The following SORCS2 variants were observed in gnomAD, a reference collection of about 807,000 sequenced individuals.
SORCS2 encodes the protein VPS10 domain-containing receptor SorCS2.
A neutral mutation model predicts 141.6 loss-of-function variants in SORCS2; 100 were observed. The observed-to-expected ratio is 0.71, with a 90% CI of 0.60 to 0.83. The LOEUF is 0.83. Ranked by LOEUF, SORCS2 falls within the 40% of genes least tolerant of loss-of-function variation. The pLI is 0.00. For missense variants in SORCS2, 1,646 were observed against 1,560.2 expected (o/e 1.05, Z -0.93); for synonymous variants, 789 against 676.9 (o/e 1.17, Z -2.57).
rs1043886086 is a variant in SORCS2, at chr4:7,740,099, T to C, written c.3416-101T>C. On this transcript the variant is annotated intron_variant, in intron 26 of 26. Transcript: ENST00000507866. ...GGAAGCCAGGGAGGCCCACTGCACG[T>C]TGGCTCGAGGCACTGCCTGAGGCCA... 21 of 978,014 alleles carry C rather than the reference T, an allele frequency of 2.1e-5. No homozygotes were observed. The African/African-American group carries it at 3.4e-4, about 16-fold the overall frequency. The allele number at this position is 978,014 out of a possible 1,614,324, so 60.6% of individuals were successfully genotyped here. A position where few individuals can be genotyped will look rare whatever the true frequency, so the allele number is the denominator to read the frequency against.
At chr4:7,454,574 G>C (rs1260361293) in intron 2 of SORCS2, among the ~76,000 whole-genome samples, 2 of 126,718 alleles carry the variant, frequency 1.6e-5, no homozygotes, top group African/African-American at 3.1e-5. Flanking sequence ...GTCAGGAGCT[G>C]TGTGTTGGGG....
At position 7,418,498 on chromosome 4, in the gene SORCS2, C is replaced by T. The variant is rs140298614; in HGVS notation, c.548+22143C>T. Among the ~76,000 whole-genome samples the T allele has an allele frequency of 4.3e-3, 647 of 152,216 alleles. 5 individuals are homozygous for T. The highest frequency in any genetic ancestry group is 0.014 in the African/African-American group (578 of 41,508). On this transcript the variant is annotated intron_variant, in intron 2 of 26. Coordinates refer to ENST00000507866, the MANE Select transcript of SORCS2 (RefSeq NM_020777.3). Reference sequence around the variant, plus strand: ...CTGACAATGGATGGGACATTAAGCGCGAGGTGGAGTTGGCAGGGCGCAGGA... The same window carrying T: ...CTGACAATGGATGGGACATTAAGCGTGAGGTGGAGTTGGCAGGGCGCAGGA...
At chr4:7,334,891 G>A (rs1266385317) in intron 1 of SORCS2, among the ~76,000 whole-genome samples, 5 of 152,190 alleles carry the variant, frequency 3.3e-5, no homozygotes, top group Admixed American at 6.5e-5. Context: ...AGAACAGCGA[G>A]TGTCAGTATC....
intron 14 of SORCS2, among the ~76,000 whole-genome samples, chr4:7,707,162 C>G (rs4689830): frequency 1.3e-5 from 2 of 151,528 alleles, no homozygotes; most frequent in African/African-American, 4.9e-5. Context: ...CTCTTCTGCT[C>G]TGCCATCATC....
At chr4:7,460,218 T>G (rs1729208326) in intron 2 of SORCS2, 1 of 154,686 alleles carries the variant, frequency 6.5e-6, no homozygotes, top group South Asian at 2.0e-4. Flanking sequence ...CCAAGGGAAA[T>G]GAGGCAGTGG....
chr4:7,551,304 G>C (rs976980164), intron 3 of SORCS2, among the ~76,000 whole-genome samples: 8 of 152,134 alleles, frequency 5.3e-5, no homozygotes, highest in South Asian at 4.2e-4. Flanking sequence ...TTCCAGTTTG[G>C]TTCATCAGAC....
chr4:7,490,766 C>A (rs757864529), intron 2 of SORCS2, among the ~76,000 whole-genome samples: 65 of 152,160 alleles, frequency 4.3e-4, no homozygotes, highest in Non-Finnish European at 8.4e-4. Context: ...GAGGCCCTCT[C>A]TCCGGCTGGC....
At chr4:7,724,474 ATGGTGG>A (rs1288837332) in intron 19 of SORCS2, among the ~76,000 whole-genome samples, 5 of 26,226 alleles carry the variant, frequency 1.9e-4, no homozygotes, top group African/African-American at 4.5e-4. Context: ...GGTGATGGTG[ATGGTGG>A]TGATGGTGGT....
chr4:7,281,168 A>G (rs1424395469), intron 1 of SORCS2, among the ~76,000 whole-genome samples: 3 of 152,146 alleles, frequency 2.0e-5, no homozygotes, highest in Non-Finnish European at 4.4e-5. Context: ...CATGCTGCAC[A>G]AAAGTTTTTT....
chr4:7,398,685 AT>A (rs377453046), intron 2 of SORCS2, among the ~76,000 whole-genome samples: 2,695 of 152,212 alleles, frequency 0.018, 82 homozygotes, highest in African/African-American at 0.062. Context: ...TCTTTTTATC[AT>A]TTTTAAAATA....
chr4:7,340,598 T>C lies in SORCS2; in HGVS notation c.481-55690T>C, dbSNP rs187831545. Among the ~76,000 whole-genome samples the C allele has an allele frequency of 5.0e-4, 76 of 152,344 alleles. 1 individual carries two copies. In the East Asian group the frequency reaches 0.014, roughly 28 times the overall value. The stretch of plus-strand genomic sequence containing the variant: ...CCTCACTGCGGGGTCTGAAACAGCC[T>C]CTTTCTGAGGAAATGGCTTTGAATA... On this transcript the variant is annotated intron_variant, in intron 1 of 26. Coordinates refer to ENST00000507866, the MANE Select transcript of SORCS2 (RefSeq NM_020777.3).
intron 1 of SORCS2, among the ~76,000 whole-genome samples, chr4:7,367,527 C>T (rs1721975040): frequency 6.6e-6 from 1 of 152,202 alleles, no homozygotes. Context: ...GTTCACACAG[C>T]AACGGCGCCC....
At chr4:7,526,186 G>C (rs115169035) in intron 2 of SORCS2, among the ~76,000 whole-genome samples, 2 of 152,248 alleles carry the variant, frequency 1.3e-5, no homozygotes, top group South Asian at 4.1e-4. Flanking sequence ...TGCTGGGACC[G>C]CATTTTCCAG....
chr4:7,279,172 T>G (rs1715701675), intron 1 of SORCS2, among the ~76,000 whole-genome samples: 1 of 152,180 alleles, frequency 6.6e-6, no homozygotes, highest in Admixed American at 6.5e-5. Flanking sequence ...ACACCCCTCC[T>G]CCCTTTTTTG....
intron 1 of SORCS2, among the ~76,000 whole-genome samples, chr4:7,375,134 T>C (rs1019290332): frequency 1.3e-5 from 2 of 152,142 alleles, no homozygotes; most frequent in Non-Finnish European, 2.9e-5. Context: ...CTTCTGGGAC[T>C]CTCCCCTGCA....
chr4:7,727,321 A>G (rs1243030773), intron 21 of SORCS2, among the ~76,000 whole-genome samples: 2 of 152,136 alleles, frequency 1.3e-5, no homozygotes, highest in African/African-American at 2.4e-5. Context: ...AGAAACGCTG[A>G]GCCTCCTTTT....
At chr4:7,377,300 A>G (rs2109060036) in intron 1 of SORCS2, among the ~76,000 whole-genome samples, 1 of 152,092 alleles carries the variant, frequency 6.6e-6, no homozygotes, top group African/African-American at 2.4e-5. Flanking sequence ...ACCTAGATAC[A>G]GCTTCGAATG....
chr4:7,455,764 G>A (rs1167407669), intron 2 of SORCS2, among the ~76,000 whole-genome samples: 5 of 151,798 alleles, frequency 3.3e-5, no homozygotes, highest in Non-Finnish European at 5.9e-5. Context: ...GTCAGGCTCC[G>A]TGTTAGTGTC....
At chr4:7,553,940 A>G (rs1713914474) in intron 3 of SORCS2, among the ~76,000 whole-genome samples, 1 of 152,186 alleles carries the variant, frequency 6.6e-6, no homozygotes. Context: ...ATCCCAAACA[A>G]TCTTTAGTTA....
Sources: allele counts gnomAD v4.1 joint callset (sites outside exome capture counted in the v4.1 genomes callset), GRCh38; gene constraint gnomAD v4.1.1; transcripts MANE v1.5; gene names NCBI Gene and HGNC (gene_info 2026-07-23, HGNC 2026-07-21).